The following RAG2 variants were observed in gnomAD, a reference collection of about 807,000 sequenced individuals.
RAG2 encodes recombination activating 2.
RAG2 carries 16 observed loss-of-function variants against 31.8 expected under a neutral mutation model. The ratio of observed to expected loss-of-function variants is 0.50; its 90% confidence interval spans 0.34 to 0.76. The LOEUF is 0.76. RAG2 is among the 30% of genes least tolerant of loss of function. The pLI is 0.01. For synonymous variants in RAG2, 199 were observed against 215.9 expected (o/e 0.92, Z 0.68); for missense variants, 622 against 628.5 (o/e 0.99, Z 0.11).
downstream of RAG2, among the ~76,000 whole-genome samples, chr11:36,591,303 G>T (rs79510433): frequency 6.6e-6 from 1 of 152,090 alleles, no homozygotes; most frequent in Non-Finnish European, 1.5e-5. Context: ...CATGTTTCCC[G>T]TAAATTTGTT....
Position 36,592,916 on chromosome 11 carries a change from G to A in RAG2, c.1253C>T (p.Thr418Ile), listed in dbSNP as rs781487639. The A allele has an allele frequency of 3.2e-5, 51 of 1,614,072 alleles. No homozygotes were observed. Among genetic ancestry groups the A allele is most frequent in the Non-Finnish European group, 4.2e-5 (49 of 1,180,042 alleles). Residue 418 changes from threonine to isoleucine, a missense_variant, in exon 2 of 2, where the codon ACA becomes ATA. By Grantham distance (89) the Thr-to-Ile change is moderately conservative (BLOSUM62 -1). Coordinates refer to ENST00000311485, the MANE Select transcript of RAG2 (RefSeq NM_000536.4). ...EDESETGYWI[T>I]CCPTCDVDIN... The stretch of plus-strand genomic sequence containing the variant: ...ATCCACATCACAAGTAGGGCAGCAT[G>A]TAATCCAGTAGCCTGTCTCAGACTC...
rs901565538 is a variant in RAG2, at chr11:36,592,453, C to G, written c.*132G>C. ...TGCATTATAAACACTTTTTTCTGGC[C>G]CTTAATTCATGTAACTAAAAGAAAA... On this transcript the variant is annotated 3_prime_UTR_variant, in exon 2 of 2. Coordinates refer to ENST00000311485, the MANE Select transcript of RAG2 (RefSeq NM_000536.4). 2 of 1,184,914 alleles carry G rather than the reference C, an allele frequency of 1.7e-6. No individual in the cohort carries two copies. The highest frequency in any genetic ancestry group is 2.3e-6 in the Non-Finnish European group (2 of 857,058). 73.4% of individuals were successfully genotyped at this position (1,184,914 alleles called of 1,614,324 possible). A position where few individuals can be genotyped will look rare whatever the true frequency, so the allele number is the denominator to read the frequency against.
At position 36,592,848 on chromosome 11, in the gene RAG2, GT is replaced by G; in HGVS notation, c.1320del (p.Lys440AsnfsTer4). The G allele has an allele frequency of 6.2e-7, 1 of 1,614,106 alleles. No individual in the cohort carries two copies. Among genetic ancestry groups the G allele is most frequent in the Non-Finnish European group, 8.5e-7 (1 of 1,180,016 alleles). On this transcript the variant is annotated frameshift_variant, in exon 2 of 2. Transcript: ENST00000311485. LOFTEE classifies it high-confidence loss of function. ...CCATGAGAGCAGTAGATCATGGCGG[GT>G]TTGTTGAGCTCAGTTGAATAGAATG... ...WVPFYSTELN[K>X]PAMIYCSHGD...
At chr11:36,591,380 G>A (rs111656229), downstream of RAG2, among the ~76,000 whole-genome samples, 10,941 of 152,128 alleles carry the variant, frequency 0.072, 434 homozygotes, top group Middle Eastern at 0.082. Flanking sequence ...TGTGGCTGAA[G>A]CTCTTAAGAT....
At position 36,594,116 on chromosome 11, in the gene RAG2, C is replaced by A. The variant is rs1851106893; in HGVS notation, c.53G>T (p.Gly18Val). ...TCCATCAAAATTCATCAGTGAGAAG[C>A]CTGGCTGAATTAAGGCTATGTTATT... Reference protein sequence around the residue: ...VSNNIALIQPGFSLMNFDGQV... With the variant: ...VSNNIALIQPVFSLMNFDGQV... The change falls in exon 2 of 2, where the codon GGC (glycine) becomes GTC (valine). Residue 18 changes from glycine to valine, a missense_variant. Gly to Val is a moderately radical substitution (Grantham distance 109, BLOSUM62 -3). Coordinates refer to ENST00000311485, the MANE Select transcript of RAG2 (RefSeq NM_000536.4). 6.2e-7 allele frequency: 1 copy of A among 1,613,942 alleles called. No homozygotes were observed. The highest frequency in any genetic ancestry group is 1.3e-5 in the African/African-American group (1 of 74,878).
rs34629171 is a variant in RAG2 at position 36,593,011 on chromosome 11, G to T, written c.1158C>A (p.Phe386Leu). The T allele has an allele frequency of 0.015, 23,952 of 1,614,128 alleles. 207 individuals carry two copies. Among genetic ancestry groups the T allele is most frequent in the Non-Finnish European group, 0.018 (21,729 of 1,180,012 alleles). The change falls in exon 2 of 2, where the codon TTC becomes TTA. Residue 386 changes from phenylalanine (F) to leucine (L), a missense_variant. Physicochemically the swap from Phe to Leu is conservative, Grantham distance 22. Coordinates refer to ENST00000311485, the MANE Select transcript of RAG2 (RefSeq NM_000536.4). ...CATCAAAACTATTTGCTTCTGCACTGAAACAAAATTCTTCAGAGTCTTCAA... is the reference window on the plus strand; with the variant it reads ...CATCAAAACTATTTGCTTCTGCACTTAAACAAAATTCTTCAGAGTCTTCAA... ...TPFEDSEEFCFSAEANSFDGD... is the reference protein window; with the variant it reads ...TPFEDSEEFCLSAEANSFDGD...
intron 1 of RAG2, chr11:36,597,669 A>G (rs369341166): frequency 6.6e-6 from 1 of 152,170 alleles, no homozygotes; most frequent in African/African-American, 2.4e-5. Context: ...TGAAACATTA[A>G]ATCTTGCTGA....
chr11:36,593,660 T>C lies in RAG2; in HGVS notation c.509A>G (p.Glu170Gly). 1 of 1,614,192 alleles carries C rather than the reference T, an allele frequency of 6.2e-7. No individual in the cohort carries two copies. Among genetic ancestry groups the C allele is most frequent in the Admixed American group, 1.7e-5 (1 of 60,020 alleles). Residue 170 changes from glutamate to glycine, a missense_variant, in exon 2 of 2, where the codon GAA (glutamate) becomes GGA (glycine). By Grantham distance (98) the Glu-to-Gly change is moderately conservative. Coordinates refer to ENST00000311485, the MANE Select transcript of RAG2 (RefSeq NM_000536.4). The part of the protein sequence containing the change: ...SYMPSTHRTT[E>G]KWNSVADCLP... Reference sequence around the variant, plus strand: ...GCAGTCAGCTACACTATTCCATTTTTCTGTGGTTCTGTGGGTAGAAGGCAT... The same window carrying C: ...GCAGTCAGCTACACTATTCCATTTTCCTGTGGTTCTGTGGGTAGAAGGCAT...
intron 1 of RAG2, among the ~76,000 whole-genome samples, chr11:36,597,436 A>G (rs991573727): frequency 5.3e-5 from 8 of 152,236 alleles, no homozygotes; most frequent in Non-Finnish European, 1.2e-4. Context: ...TTCAAGGTCA[A>G]CACATTAAAG....
Position 36,593,649 on chromosome 11 carries a change from T to C in RAG2, c.520A>G (p.Ser174Gly). 6.2e-7 allele frequency: 1 copy of C among 1,614,198 alleles called. No homozygotes were observed. The highest frequency in any genetic ancestry group is 8.5e-7 in the Non-Finnish European group (1 of 1,180,024). ...ACACAGGGCAGGCAGTCAGCTACAC[T>C]ATTCCATTTTTCTGTGGTTCTGTGG... is the stretch of plus-strand genomic sequence containing the variant. ...STHRTTEKWN[S>G]VADCLPCVFL... Residue 174 changes from serine (S) to glycine (G), a missense_variant, in exon 2 of 2, where the codon AGT (serine) becomes GGT (glycine). By Grantham distance (56) the Ser-to-Gly change is moderately conservative. Transcript: ENST00000311485.
intron 1 of RAG2, among the ~76,000 whole-genome samples, chr11:36,596,761 A>G (rs1309711413): frequency 6.6e-6 from 1 of 152,078 alleles, no homozygotes; most frequent in Non-Finnish European, 1.5e-5. Context: ...ATCCAAAGGG[A>G]TTTTTCAAGA....
chr11:36,597,346 G>A (rs534227170), intron 1 of RAG2, among the ~76,000 whole-genome samples: 15 of 152,244 alleles, frequency 9.9e-5, no homozygotes, highest in African/African-American at 3.6e-4. Context: ...ATAACCTACT[G>A]AAGTCTTTTC....
chr11:36,596,222 G>GTTTTTTTTTTTTTTTT (rs67282079), intron 1 of RAG2, among the ~76,000 whole-genome samples: 8 of 118,362 alleles, frequency 6.8e-5, no homozygotes, highest in African/African-American at 2.2e-4. Context: ...TTTTTTTTTT[G>GTTTTTTTTTTTTTTTT]TTTTTTTTTT....
Position 36,593,850 on chromosome 11 carries a change from T to A in RAG2, c.319A>T (p.Ile107Phe), listed in dbSNP as rs1256254341. 3.1e-6 allele frequency: 5 copies of A among 1,614,120 alleles called. No homozygotes were observed. ...KTPNNEVSDK[I>F]YVMSIVCKNN... Reference sequence around the variant, plus strand: ...TTGCAAACAATAGACATGACATAAATCTTATCTGAAACCTCATTGTTTGGT... The same window carrying A: ...TTGCAAACAATAGACATGACATAAAACTTATCTGAAACCTCATTGTTTGGT... The change falls in exon 2 of 2, where the codon ATT (isoleucine) becomes TTT (phenylalanine). Residue 107 changes from isoleucine (I) to phenylalanine (F), a missense_variant. Ile to Phe is a conservative substitution (Grantham distance 21). Transcript: ENST00000311485.
In RAG2 at chr11:36,593,751, G is replaced by A. The variant is rs147155709; in HGVS notation, c.418C>T (p.His140Tyr). Residue 140 changes from histidine to tyrosine, a missense_variant, in exon 2 of 2, where the codon CAT (histidine) becomes TAT (tyrosine). Physicochemically the swap from His to Tyr is moderately conservative, Grantham distance 83. Transcript: ENST00000311485. Reference sequence around the variant, plus strand: ...CGGCTGTACACCACATTAATGGAATGACCATATCTGGCTTCAGGAACATCT... The same window carrying A: ...CGGCTGTACACCACATTAATGGAATAACCATATCTGGCTTCAGGAACATCT... Reference protein sequence around the residue: ...VGDVPEARYGHSINVVYSRGK... With the variant: ...VGDVPEARYGYSINVVYSRGK... 1.2e-6 allele frequency: 2 copies of A among 1,614,166 alleles called. No homozygotes were observed. The highest frequency in any genetic ancestry group is 1.7e-6 in the Non-Finnish European group (2 of 1,180,024).
At position 36,593,240 on chromosome 11, in the gene RAG2, T is replaced by C. The variant is rs2133312966; in HGVS notation, c.929A>G (p.Asp310Gly). The C allele has an allele frequency of 1.2e-6, 2 of 1,614,228 alleles. No individual in the cohort carries two copies. The highest frequency in any genetic ancestry group is 2.2e-5 in the East Asian group (1 of 44,884). Reference protein sequence around the residue: ...REMETPDWTPDIKHSKIWFGS... With the variant: ...REMETPDWTPGIKHSKIWFGS... ...AAACCATATCTTGCTGTGCTTAATG[T>C]CTGGGGTCCAATCTGGGGTCTCCAT... Residue 310 changes from aspartate (D) to glycine (G), a missense_variant, in exon 2 of 2, where the codon GAC becomes GGC. Physicochemically the swap from Asp to Gly is moderately conservative, Grantham distance 94. Transcript: ENST00000311485.
In RAG2 at chr11:36,593,175, G is replaced by C; in HGVS notation, c.994C>G (p.Pro332Ala). ...MGNGTVFLGI[P>A]GDNKQVVSEG... ...GAAACAACTTGTTTATTGTCTCCTG[G>C]TATGCCAAGAAAAACAGTTCCATTT... The change falls in exon 2 of 2, where the codon CCA becomes GCA. Residue 332 changes from proline (P) to alanine (A), a missense_variant. Coordinates refer to ENST00000311485, the MANE Select transcript of RAG2 (RefSeq NM_000536.4). 6.2e-7 allele frequency: 1 copy of C among 1,614,090 alleles called. No homozygotes were observed. The highest frequency in any genetic ancestry group is 8.5e-7 in the Non-Finnish European group (1 of 1,180,028).
chr11:36,594,948 A>C (rs1851148277), intron 1 of RAG2: 1 of 152,288 alleles, frequency 6.6e-6, no homozygotes, highest in African/African-American at 2.4e-5. Flanking sequence ...GGGGGCACCG[A>C]GGTTACAAAA....
Position 36,592,586 on chromosome 11 carries a change from T to C in RAG2, c.1583A>G (p.Ter528TrpextTer14). ...TGAATCTGAAAGGCTTTTGCAAAAC[T>C]AATCAAACAACCTTCTAAGAAAGGA... is the stretch of plus-strand genomic sequence containing the variant. ...KKSFLRRLFD[*>W] The change falls in exon 2 of 2, where the codon TAG becomes TGG. Residue 528 changes from the stop codon to tryptophan, a stop_lost. Coordinates refer to ENST00000311485, the MANE Select transcript of RAG2 (RefSeq NM_000536.4). 2 of 1,613,968 alleles carry C rather than the reference T, an allele frequency of 1.2e-6. No individual in the cohort carries two copies. Among genetic ancestry groups the C allele is most frequent in the Non-Finnish European group, 1.7e-6 (2 of 1,179,852 alleles).
Sources: allele counts gnomAD v4.1 joint callset (sites outside exome capture counted in the v4.1 genomes callset), GRCh38; gene constraint gnomAD v4.1.1; transcripts MANE v1.5; gene names NCBI Gene and HGNC (gene_info 2026-07-23, HGNC 2026-07-21).